ARID1B: variants seen among roughly 807,000 people sequenced by gnomAD.
ARID1B encodes the protein AT-rich interactive domain-containing protein 1B.
A neutral mutation model predicts 212.3 loss-of-function variants in ARID1B; 30 were observed. The observed-to-expected ratio is 0.14, with a 90% confidence interval of 0.11 to 0.19. The LOEUF is 0.19. Among genes scored for constraint, ARID1B ranks in the 10% least tolerant of loss-of-function variants. The pLI, the probability that ARID1B is intolerant of heterozygous loss-of-function variation, is 1.00. For missense variants in ARID1B, 2,891 were observed against 3,204.0 expected, an observed-to-expected ratio of 0.90 and a Z score of 2.36; for synonymous variants, 1,402 against 1,301.7, an observed-to-expected ratio of 1.08 and a Z score of -1.66.
intron 4 of ARID1B, among the ~76,000 whole-genome samples, chr6:157,030,026 G>A (rs1413935163): frequency 1.3e-5 from 2 of 152,178 alleles, no homozygotes; most frequent in Non-Finnish European, 2.9e-5. Context: ...GCATCAGTTA[G>A]TTTTTGCAGT....
chr6:157,098,163 C>A (rs992658425), intron 5 of ARID1B, among the ~76,000 whole-genome samples: 7 of 152,112 alleles, frequency 4.6e-5, no homozygotes, highest in Non-Finnish European at 7.4e-5. Flanking sequence ...TTAATTTGCC[C>A]TGGTGAGAGA....
intron 6 of ARID1B, among the ~76,000 whole-genome samples, chr6:157,124,584 C>T (rs1788007698): frequency 6.6e-6 from 1 of 152,210 alleles, no homozygotes; most frequent in African/African-American, 2.4e-5. Context: ...AAGGACACAG[C>T]ACACCATCTT....
chr6:156,987,953 GATA>G (rs951128163), intron 4 of ARID1B, among the ~76,000 whole-genome samples: 40 of 152,300 alleles, frequency 2.6e-4, no homozygotes, highest in African/African-American at 9.4e-4. Context: ...ATCTATAGCA[GATA>G]ATAAGTGTGT....
chr6:157,195,918 AGGTGT>A, intron 15 of ARID1B: 1 of 405,484 alleles, frequency 2.5e-6, no homozygotes, highest in Non-Finnish European at 4.4e-6. Flanking sequence ...AAAATTAGCC[AGGTGT>A]GGTGGTGGAT....
intron 13 of ARID1B, chr6:157,186,497 T>G (rs547338588): frequency 4.2e-6 from 2 of 470,998 alleles, no homozygotes; most frequent in Non-Finnish European, 8.8e-6. Context: ...ACCCTGGTCT[T>G]CAGAAGCCTC....
At chr6:157,026,750 G>A (rs777170058) in intron 4 of ARID1B, among the ~76,000 whole-genome samples, 9 of 152,122 alleles carry the variant, frequency 5.9e-5, no homozygotes, top group Admixed American at 3.3e-4. Flanking sequence ...TCCTGAGCTC[G>A]AGCAATTGTC....
intron 1 of ARID1B, among the ~76,000 whole-genome samples, chr6:156,818,026 A>G (rs147829844): frequency 3.9e-4 from 59 of 150,088 alleles, no homozygotes; most frequent in Admixed American, 1.1e-3. Flanking sequence ...TCCTAATAGC[A>G]TCTATATAGC....
In ARID1B at chr6:156,779,581, G is replaced by T. The variant is rs966436886; in HGVS notation, c.1791+110G>T. On this transcript the variant is annotated intron_variant, in intron 1 of 19. Coordinates refer to ENST00000636930, the MANE Select transcript of ARID1B (RefSeq NM_001374828.1). ...TTCCCCGTCTTCCCGCGGGGGCGGC[G>T]GGGGCGCGGCGCCCAAAGCCATCTT... 7.2e-6 allele frequency: 8 copies of T among 1,110,684 alleles called. 1 individual carries two copies. Among genetic ancestry groups the T allele is most frequent in the South Asian group, 4.0e-5 (1 of 24,874 alleles). The allele number at this position is 1,110,684 out of a possible 1,614,324, so 68.8% of individuals were successfully genotyped here.
intron 5 of ARID1B, among the ~76,000 whole-genome samples, chr6:157,089,332 T>TG (rs1343331097): frequency 6.6e-6 from 1 of 152,226 alleles, no homozygotes; most frequent in Admixed American, 6.5e-5. Context: ...CCTGTTAAAC[T>TG]GTTCCTCCAC....
At chr6:157,096,173 C>G (rs562211968) in intron 5 of ARID1B, among the ~76,000 whole-genome samples, 2 of 152,190 alleles carry the variant, frequency 1.3e-5, no homozygotes, top group African/African-American at 4.8e-5. Context: ...CCTGCAGCCC[C>G]GGAGTTCAGC....
At position 157,201,628 on chromosome 6, in the gene ARID1B, A is replaced by G. The variant is rs902385063; in HGVS notation, c.5263+140A>G. 7 of 1,051,926 alleles carry G rather than the reference A, an allele frequency of 6.7e-6. No individual in the cohort carries two copies. Among genetic ancestry groups the G allele is most frequent in the African/African-American group, 6.5e-5 (4 of 61,494 alleles). The allele number at this position is 1,051,926 out of a possible 1,614,324, so 65.2% of individuals were successfully genotyped here. A position where few individuals can be genotyped will look rare whatever the true frequency, so the allele number is the denominator to read the frequency against. The stretch of plus-strand genomic sequence containing the variant: ...AAGTTATCAAGATGCGTTTTTATAT[A>G]GGAGTAATATAGTTGGAGGCTGCTA... On this transcript the variant is annotated intron_variant, in intron 18 of 19. Coordinates refer to ENST00000636930, the MANE Select transcript of ARID1B (RefSeq NM_001374828.1). This position sits in a 1 kb window ranked among gnomAD's most constrained non-coding sequence, Gnocchi z 5.2.
chr6:156,891,632 T>C (rs1374914371), intron 2 of ARID1B, among the ~76,000 whole-genome samples: 1 of 152,204 alleles, frequency 6.6e-6, no homozygotes, highest in African/African-American at 2.4e-5. Context: ...AACTCAGTAA[T>C]ATATGGACAG....
At position 156,779,425 on chromosome 6, in the gene ARID1B, C is replaced by T. The variant is rs751389585; in HGVS notation, c.1745C>T (p.Pro582Leu). The stretch of plus-strand genomic sequence containing the variant: ...GCGGCCGCGCAACAAAGGAGTCACC[C>T]GGCGATGAGCCCCGGCACCCCCGGA... ...AWAAAQQRSHPAMSPGTPGPT... is the reference protein window; with the variant it reads ...AWAAAQQRSHLAMSPGTPGPT... The change falls in exon 1 of 20, where the codon CCG becomes CTG. Residue 582 changes from proline to leucine, a missense_variant. By Grantham distance (98) the Pro-to-Leu change is moderately conservative (BLOSUM62 -3). Coordinates refer to ENST00000636930, the MANE Select transcript of ARID1B (RefSeq NM_001374828.1). 2 of 1,465,626 alleles carry T rather than the reference C, an allele frequency of 1.4e-6. No individual in the cohort carries two copies. Among genetic ancestry groups the T allele is most frequent in the African/African-American group, 1.5e-5 (1 of 68,344 alleles). 90.8% of individuals were successfully genotyped at this position (1,465,626 alleles called of 1,614,324 possible). A position where few individuals can be genotyped will look rare whatever the true frequency, so the allele number is the denominator to read the frequency against.
intron 6 of ARID1B, among the ~76,000 whole-genome samples, chr6:157,125,450 T>C (rs1788070523): frequency 6.6e-6 from 1 of 152,180 alleles, no homozygotes; most frequent in Non-Finnish European, 1.5e-5. Flanking sequence ...ACCTCTAGAC[T>C]CAGCTGAATG....
chr6:156,906,317 G>C (rs1789370257), intron 3 of ARID1B, among the ~76,000 whole-genome samples: 1 of 151,870 alleles, frequency 6.6e-6, no homozygotes, highest in Non-Finnish European at 1.5e-5. Context: ...GGAGGCCGAG[G>C]TGGGTGGATC....
intron 4 of ARID1B, among the ~76,000 whole-genome samples, chr6:156,994,074 T>C (rs1778433010): frequency 6.6e-6 from 1 of 152,228 alleles, no homozygotes; most frequent in Non-Finnish European, 1.5e-5. Context: ...TTTAAACTTT[T>C]GGTCATTTTT....
At chr6:157,146,744 C>G (rs1789756570) in intron 7 of ARID1B, among the ~76,000 whole-genome samples, 1 of 152,146 alleles carries the variant, frequency 6.6e-6, no homozygotes. Context: ...AGAACAGCTT[C>G]TGGAATGTAG....
At chr6:156,821,078 A>G (rs1047165591) in intron 1 of ARID1B, among the ~76,000 whole-genome samples, 1 of 152,230 alleles carries the variant, frequency 6.6e-6, no homozygotes, top group African/African-American at 2.4e-5. Context: ...TAGAAAATGC[A>G]GTTACTGTAA....
In ARID1B at chr6:156,778,829, C is replaced by G; in HGVS notation, c.1149C>G (p.Gly383=). Residue 383 remains glycine (G), a synonymous_variant, in exon 1 of 20, where the codon GGC becomes GGG. Coordinates refer to ENST00000636930, the MANE Select transcript of ARID1B (RefSeq NM_001374828.1). ...YPNSQCNHYP[G]YSRPGAGGGG... is the part of the protein sequence containing the mutation. Reference sequence around the variant, plus strand: ...ACAGCCAGTGCAACCATTATCCGGGCTACAGCCGGCCCGGCGCGGGCGGCG... The same window carrying G: ...ACAGCCAGTGCAACCATTATCCGGGGTACAGCCGGCCCGGCGCGGGCGGCG... 2 of 1,441,390 alleles carry G rather than the reference C, an allele frequency of 1.4e-6. No individual in the cohort carries two copies. The highest frequency in any genetic ancestry group is 1.8e-6 in the Non-Finnish European group (2 of 1,092,834). 89.3% of individuals were successfully genotyped at this position (1,441,390 alleles called of 1,614,324 possible). A position where few individuals can be genotyped will look rare whatever the true frequency, so the allele number is the denominator to read the frequency against.
Sources: allele counts gnomAD v4.1 joint callset (sites outside exome capture counted in the v4.1 genomes callset), GRCh38; gene constraint gnomAD v4.1.1; non-coding constraint Gnocchi (gnomAD v3.1); transcripts MANE v1.5; gene names NCBI Gene and HGNC (gene_info 2026-07-23, HGNC 2026-07-21).